The following CFAP251 variants were observed in gnomAD, a reference collection of about 807,000 sequenced individuals.
The protein encoded by CFAP251 is cilia- and flagella-associated protein 251.
CFAP251 carries 93 observed loss-of-function variants against 126.7 expected under a neutral mutation model. The ratio of observed to expected loss-of-function variants is 0.73; its 90% CI spans 0.62 to 0.87. The LOEUF is 0.87. Among genes scored for constraint, CFAP251 ranks in the 40% least tolerant of loss-of-function variants. The probability of loss-of-function intolerance (pLI) is 0.00; values close to 1 mark genes in which losing one functional copy is unlikely to be tolerated. For missense variants in CFAP251, 1,287 were observed against 1,389.2 expected, an observed-to-expected ratio of 0.93 and a Z score of 1.17; for synonymous variants, 503 against 506.9, an observed-to-expected ratio of 0.99 and a Z score of 0.10.
chr12:121,935,423 C>G (rs1880853821), intron 5 of CFAP251, among the ~76,000 whole-genome samples: 1 of 152,202 alleles, frequency 6.6e-6, no homozygotes, highest in African/African-American at 2.4e-5. Context: ...ATTCATGAAC[C>G]AATATTGACA....
intron 19 of CFAP251, chr12:121,992,358 T>A: frequency 1.0e-6 from 1 of 985,382 alleles, no homozygotes; most frequent in Non-Finnish European, 1.2e-6. Context: ...TGTTGAGTAG[T>A]GATTCTTGAT....
intron 3 of CFAP251, among the ~76,000 whole-genome samples, chr12:121,924,687 C>G (rs889098554): frequency 1.7e-4 from 26 of 151,786 alleles, no homozygotes; most frequent in Non-Finnish European, 3.8e-4. Context: ...ACCTCGGCCT[C>G]CCAAAGTGCT....
chr12:121,954,771 A>G (rs1026876730), intron 10 of CFAP251, among the ~76,000 whole-genome samples: 4 of 151,734 alleles, frequency 2.6e-5, no homozygotes, highest in Non-Finnish European at 5.9e-5. Flanking sequence ...AGAACTGAGA[A>G]CTAAGATCAG....
At chr12:121,994,115 C>T (rs1423179387) in intron 19 of CFAP251, among the ~76,000 whole-genome samples, 2 of 116,958 alleles carry the variant, frequency 1.7e-5, no homozygotes, top group South Asian at 3.0e-4. Flanking sequence ...AGTGAGGAGC[C>T]CCTCTGCCCG....
intron 8 of CFAP251, chr12:121,949,913 A>G (rs188733443): frequency 1.3e-5 from 2 of 152,310 alleles, no homozygotes; most frequent in East Asian, 3.9e-4. Context: ...AAAACACAAC[A>G]AAACAAAAAA....
rs1379624730 is a variant in CFAP251, at chr12:121,921,281, T to C, written c.-20-5T>C. 6.5e-7 allele frequency: 1 copy of C among 1,549,590 alleles called. No homozygotes were observed. The highest frequency in any genetic ancestry group is 8.7e-7 in the Non-Finnish European group (1 of 1,156,060). ...AGCTGGTTATTATGGTCAAAATCTC[T>C]CTAGAGGAAACTCTACAGAGAAGAA... On this transcript the variant is annotated splice_polypyrimidine_tract_variant and splice_region_variant and intron_variant, in intron 1 of 21. Transcript: ENST00000288912.
chr12:121,952,070 CGT>C (rs955808210), intron 9 of CFAP251, among the ~76,000 whole-genome samples: 2 of 150,912 alleles, frequency 1.3e-5, no homozygotes, highest in African/African-American at 4.9e-5. Context: ...AATATAAAAA[CGT>C]GATGGCTTTT....
chr12:121,961,034 G>A (rs899717349), intron 14 of CFAP251, among the ~76,000 whole-genome samples: 2 of 152,268 alleles, frequency 1.3e-5, no homozygotes, highest in African/African-American at 2.4e-5. Flanking sequence ...GAAAGCAGCC[G>A]CCCTTGCCTC....
rs1471053117 is a variant in CFAP251, at chr12:121,931,826, T to C, written c.828T>C (p.Tyr276=). Residue 276 remains tyrosine, a synonymous_variant, in exon 4 of 22, where the codon TAT becomes TAC. Transcript: ENST00000288912. ...IREERQRVLL[Y]VCAHTAIIYN... Reference sequence around the variant, plus strand: ...AGGAAAGGCAGAGAGTTCTTCTGTATGTTTGTGCTCACACTGCGATCATCT... The same window carrying C: ...AGGAAAGGCAGAGAGTTCTTCTGTACGTTTGTGCTCACACTGCGATCATCT... 1 of 1,607,160 alleles carries C rather than the reference T, an allele frequency of 6.2e-7. No individual in the cohort carries two copies. The highest frequency in any genetic ancestry group is 2.3e-5 in the East Asian group (1 of 44,268).
At chr12:121,960,457 A>G (rs540205291) in intron 13 of CFAP251, 128 bp from the exon 14 acceptor site, 5 of 939,548 alleles carry the variant, frequency 5.3e-6, no homozygotes, top group East Asian at 5.2e-5. Flanking sequence ...ACCTCAGGTG[A>G]TCCACCCGCC....
chr12:121,921,702 T>G lies in CFAP251; in HGVS notation c.378+19T>G, dbSNP rs1220616446. The G allele has an allele frequency of 4.4e-6, 7 of 1,588,640 alleles. No individual in the cohort carries two copies. Among genetic ancestry groups the G allele is most frequent in the Non-Finnish European group, 6.0e-6 (7 of 1,167,952 alleles). ...TTTCCCAGTAAGTAGTCATCTTAAT[T>G]CATTCATCAATTCATTCAGAATCAT... On this transcript the variant is annotated intron_variant, in intron 2 of 21. Coordinates refer to ENST00000288912, the MANE Select transcript of CFAP251 (RefSeq NM_144668.6).
At chr12:121,986,441 G>A (rs1249951204) in intron 19 of CFAP251, among the ~76,000 whole-genome samples, 1 of 151,066 alleles carries the variant, frequency 6.6e-6, no homozygotes, top group Non-Finnish European at 1.5e-5. Context: ...GGGACTACAG[G>A]CACCCGCCAC....
In CFAP251 at chr12:121,923,648, G is replaced by A. The variant is rs376134677; in HGVS notation, c.405G>A (p.Lys135=). Residue 135 remains lysine (K), a synonymous_variant, in exon 3 of 22, where the codon AAG becomes AAA. Transcript: ENST00000288912. The stretch of plus-strand genomic sequence containing the variant: ...AAACCCAAAGAGGTAGCAAGTCAAA[G>A]CTTTCCTTACAATTGGAGGATGCAG... ...FPKTQRGSKS[K]LSLQLEDAET... is the part of the protein sequence containing the mutation. 3 of 1,611,678 alleles carry A rather than the reference G, an allele frequency of 1.9e-6. No homozygotes were observed. Among genetic ancestry groups the A allele is most frequent in the Middle Eastern group, 1.7e-4 (1 of 6,046 alleles).
rs375157069 is a variant in CFAP251 at position 121,968,084 on chromosome 12, G to C, written c.2686G>C (p.Gly896Arg). The change falls in exon 17 of 22, where the codon GGC becomes CGC. Residue 896 changes from glycine (G) to arginine (R), a missense_variant. By Grantham distance (125) the Gly-to-Arg change is moderately radical (BLOSUM62 -2). Transcript: ENST00000288912. ...AIVCHPNGVAGMAVSYDGCYA... is the reference protein window; with the variant it reads ...AIVCHPNGVARMAVSYDGCYA... ...TGTTTGCCACCCGAACGGGGTGGCCGGCATGGCCGTTTCCTATGATGGCTG... is the reference window on the plus strand; with the variant it reads ...TGTTTGCCACCCGAACGGGGTGGCCCGCATGGCCGTTTCCTATGATGGCTG... The C allele has an allele frequency of 8.7e-6, 14 of 1,613,648 alleles. No homozygotes were observed. In the African/African-American group the frequency reaches 1.6e-4, roughly 18 times the overall value.
In CFAP251 at chr12:121,918,892, G is replaced by A. The variant is rs1212936714; in HGVS notation, c.-21+197G>A. Among the ~76,000 whole-genome samples, 1 of 152,154 alleles carries A rather than the reference G, an allele frequency of 6.6e-6. No homozygotes were observed. Among genetic ancestry groups the A allele is most frequent in the Admixed American group, 6.5e-5 (1 of 15,278 alleles). On this transcript the variant is annotated intron_variant, in intron 1 of 21. Transcript: ENST00000288912. The surrounding 1 kb of genome is among the most constrained non-coding windows in gnomAD (Gnocchi z 4.3). ...AATCCCCTCGCAGAGCCACGCACCTGGCACCCCTGCCCCAAACCCCTGCGG... is the reference window on the plus strand; with the variant it reads ...AATCCCCTCGCAGAGCCACGCACCTAGCACCCCTGCCCCAAACCCCTGCGG...
intron 19 of CFAP251, among the ~76,000 whole-genome samples, chr12:121,982,553 T>G (rs12817046): frequency 0.073 from 11,185 of 152,204 alleles, 530 homozygotes; most frequent in Non-Finnish European, 0.11. Flanking sequence ...TAATTTTGTA[T>G]TTTTAGTAGA....
chr12:121,975,472 T>C, intron 18 of CFAP251, 70 bp from the exon 19 acceptor site: 1 of 1,592,152 alleles, frequency 6.3e-7, no homozygotes, highest in Non-Finnish European at 8.6e-7. Flanking sequence ...GAAAATGTCC[T>C]TGAAGTGTTC....
chr12:121,999,568 TCA>T, intron 19 of CFAP251, 146 bp from the exon 20 acceptor site: 1 of 586,948 alleles, frequency 1.7e-6, no homozygotes, highest in Non-Finnish European at 3.0e-6. Flanking sequence ...ACTCCTGGCC[TCA>T]AGTGATCCTT....
chr12:121,950,576 G>C (rs1185155362), intron 8 of CFAP251: 1 of 151,930 alleles, frequency 6.6e-6, no homozygotes, highest in African/African-American at 2.4e-5. Flanking sequence ...TTTTATTTTT[G>C]AGATGGGGTC....
Sources: gnomAD v4.1 joint callset for allele counts (sites outside exome capture counted in the v4.1 genomes callset) on GRCh38, gnomAD v4.1.1 for gene constraint, Gnocchi (gnomAD v3.1) non-coding constraint, MANE v1.5 for transcripts, NCBI Gene and HGNC (gene_info 2026-07-23, HGNC 2026-07-21) for gene names.